The following CEP350 variants were observed in gnomAD, a reference collection of about 807,000 sequenced individuals.
The protein encoded by CEP350 is centrosome-associated protein 350.
CEP350 carries 126 observed loss-of-function variants against 331.8 expected under a neutral mutation model. That is an observed-to-expected ratio of 0.38 (90% CI 0.33 to 0.44). The LOEUF is 0.44. Ranked by LOEUF, CEP350 falls within the 20% of genes least tolerant of loss-of-function variation. The probability of loss-of-function intolerance (pLI) is 1.00; values close to 1 mark genes in which losing one functional copy is unlikely to be tolerated. For missense variants in CEP350, 3,406 were observed against 3,634.6 expected (o/e 0.94, Z 1.62); for synonymous variants, 1,200 against 1,259.5 (o/e 0.95, Z 1.00).
At chr1:180,037,161 A>C (rs1225463500) in intron 17 of CEP350, 72 bp downstream of exon 17, 2 of 1,320,282 alleles carry the variant, frequency 1.5e-6, no homozygotes, top group Non-Finnish European at 2.0e-6. Context: ...CTTAATGATG[A>C]CTTAAACTAC....
chr1:180,019,478 A>G (rs990596790), intron 11 of CEP350, among the ~76,000 whole-genome samples: 10 of 152,196 alleles, frequency 6.6e-5, no homozygotes, highest in African/African-American at 2.4e-4. Context: ...TATAGTAAAT[A>G]TTTGTTGATT....
chr1:180,042,947 T>C, intron 19 of CEP350, 109 bp from the exon 20 acceptor site: 15 of 1,200,398 alleles, frequency 1.2e-5, no homozygotes, highest in Non-Finnish European at 1.8e-5. Context: ...TGGCAGAATT[T>C]GCTTGTTCTC....
At chr1:180,067,765 A>G (rs960993817) in intron 27 of CEP350, among the ~76,000 whole-genome samples, 1 of 152,214 alleles carries the variant, frequency 6.6e-6, no homozygotes, top group African/African-American at 2.4e-5. Flanking sequence ...GAATATTGTT[A>G]TATACTATTT....
intron 22 of CEP350, among the ~76,000 whole-genome samples, chr1:180,051,468 A>G (rs1036615161): frequency 1.3e-5 from 2 of 152,230 alleles, no homozygotes; most frequent in Non-Finnish European, 2.9e-5. Flanking sequence ...TTGACTGCAA[A>G]GAGGATGCAC....
intron 28 of CEP350, 151 bp from the exon 29 acceptor site, chr1:180,078,312 A>T (rs1659360767): frequency 1.6e-6 from 1 of 612,402 alleles, no homozygotes; most frequent in South Asian, 2.0e-5. Flanking sequence ...CCAGAAATAG[A>T]TCTGTGCATC....
chr1:180,062,762 C>T (rs1308315860), intron 26 of CEP350, among the ~76,000 whole-genome samples: 1 of 152,194 alleles, frequency 6.6e-6, no homozygotes, highest in Non-Finnish European at 1.5e-5. Flanking sequence ...GTCCAACCCT[C>T]ATGACATCAT....
At chr1:180,033,470 G>A (rs1656152097) in intron 15 of CEP350, among the ~76,000 whole-genome samples, 1 of 152,072 alleles carries the variant, frequency 6.6e-6, no homozygotes, top group South Asian at 2.1e-4. Flanking sequence ...TTCGCTTTCA[G>A]AGATGTATTT....
chr1:179,962,607 A>G (rs997802317), intron 1 of CEP350, among the ~76,000 whole-genome samples: 2 of 151,942 alleles, frequency 1.3e-5, no homozygotes, highest in African/African-American at 4.8e-5. Flanking sequence ...ATGGAGTTTC[A>G]CTATGTTGGT....
intron 14 of CEP350, among the ~76,000 whole-genome samples, chr1:180,026,079 G>T (rs1003631827): frequency 6.6e-6 from 1 of 151,884 alleles, no homozygotes; most frequent in Non-Finnish European, 1.5e-5. Context: ...ATTTAAACCA[G>T]CCTGGCCAAT....
rs780755518 is a variant in CEP350 at position 180,112,936 on chromosome 1, GA to G, written c.*1778del. ...GGTATGATAGCTCTTGACAAATAAG[GA>G]AAGCACTGAAATGTTGTGATTGGGT... On this transcript the variant is annotated 3_prime_UTR_variant, in exon 38 of 38. Coordinates refer to ENST00000367607, the MANE Select transcript of CEP350 (RefSeq NM_014810.5). 3 of 152,562 alleles carry G rather than the reference GA, an allele frequency of 2.0e-5. No individual in the cohort carries two copies. The highest frequency in any genetic ancestry group is 4.4e-5 in the Non-Finnish European group (3 of 68,022). 9.5% of individuals were successfully genotyped at this position (152,562 alleles called of 1,614,324 possible). A position where few individuals can be genotyped will look rare whatever the true frequency, so the allele number is the denominator to read the frequency against.
intron 27 of CEP350, among the ~76,000 whole-genome samples, chr1:180,073,040 T>C (rs1374520175): frequency 6.6e-6 from 1 of 152,220 alleles, no homozygotes; most frequent in East Asian, 1.9e-4. Context: ...TAAAATGGAA[T>C]GTTCTTCTTA....
chr1:180,034,794 G>A (rs1417774596), intron 16 of CEP350, among the ~76,000 whole-genome samples: 1 of 151,838 alleles, frequency 6.6e-6, no homozygotes, highest in Non-Finnish European at 1.5e-5. Flanking sequence ...CCTCCCTCTG[G>A]CCTCCTTATC....
At chr1:180,089,414 C>G (rs12125556) in intron 32 of CEP350, among the ~76,000 whole-genome samples, 18,177 of 151,952 alleles carry the variant, frequency 0.12, 1,172 homozygotes, top group South Asian at 0.16. Flanking sequence ...GAAACCCCAT[C>G]TCTACTAAAA....
At chr1:180,016,187 C>G (rs1156532350) in intron 11 of CEP350, among the ~76,000 whole-genome samples, 1 of 152,218 alleles carries the variant, frequency 6.6e-6, no homozygotes, top group Non-Finnish European at 1.5e-5. Flanking sequence ...ATGTAAATGT[C>G]AGTTTCTTTT....
At position 180,078,472 on chromosome 1, in the gene CEP350, G is replaced by A. The variant is rs376944581; in HGVS notation, c.5777G>A (p.Ser1926Asn). 3.1e-6 allele frequency: 5 copies of A among 1,610,764 alleles called. No individual in the cohort carries two copies. The highest frequency in any genetic ancestry group is 4.2e-6 in the Non-Finnish European group (5 of 1,178,284). The change falls in exon 29 of 38, where the codon AGT (serine) becomes AAT (asparagine). Residue 1926 changes from serine (S) to asparagine (N), a missense_variant. Ser to Asn is a conservative substitution (Grantham distance 46). This residue lies in a region of CEP350 where 1,415 missense variants were observed against 1,512.3 expected (regional missense o/e 0.94). Coordinates refer to ENST00000367607, the MANE Select transcript of CEP350 (RefSeq NM_014810.5). Reference protein sequence around the residue: ...DQRTEQKEIASEEESPVPLYS... With the variant: ...DQRTEQKEIANEEESPVPLYS... ...CACCTTCTCTGTCTAGAAATAGCAA[G>A]TGAAGAGGAATCTCCAGTACCTCTG...
At chr1:179,963,978 T>A (rs1428967078) in intron 1 of CEP350, among the ~76,000 whole-genome samples, 2 of 152,208 alleles carry the variant, frequency 1.3e-5, no homozygotes, top group Non-Finnish European at 2.9e-5. Flanking sequence ...TTTGTTTGTG[T>A]CATCTGTTAT....
At position 180,112,497 on chromosome 1, in the gene CEP350, A is replaced by C. The variant is rs1359478319; in HGVS notation, c.*1336A>C. 1.3e-5 allele frequency: 2 copies of C among 152,654 alleles called. No individual in the cohort carries two copies. The highest frequency in any genetic ancestry group is 2.9e-5 in the Non-Finnish European group (2 of 68,044). The allele number at this position is 152,654 out of a possible 1,614,324, so 9.5% of individuals were successfully genotyped here. A position where few individuals can be genotyped will look rare whatever the true frequency, so the allele number is the denominator to read the frequency against. On this transcript the variant is annotated 3_prime_UTR_variant, in exon 38 of 38. Transcript: ENST00000367607. ...AAAATCTATAGACTCCAGCTGCTAC[A>C]TTAGAGCATAAGAGATGCTCTCCTG...
In CEP350 at chr1:180,113,678, C is replaced by CCA. The variant is rs1661553095; in HGVS notation, c.*2519_*2520dup. 6.6e-6 allele frequency: 1 copy of CCA among 151,538 alleles called. No homozygotes were observed. The highest frequency in any genetic ancestry group is 1.5e-5 in the Non-Finnish European group (1 of 67,796). The allele number at this position is 151,538 out of a possible 1,614,324, so 9.4% of individuals were successfully genotyped here. A position where few individuals can be genotyped will look rare whatever the true frequency, so the allele number is the denominator to read the frequency against. ...AAGAAAGATAGATGTGGATACCCAG[C>CCA]CACTCGTTCCATATTGGTATCTTTT... On this transcript the variant is annotated 3_prime_UTR_variant, in exon 38 of 38. Coordinates refer to ENST00000367607, the MANE Select transcript of CEP350 (RefSeq NM_014810.5).
intron 25 of CEP350, among the ~76,000 whole-genome samples, 193 bp downstream of exon 25, chr1:180,054,695 T>C (rs1437477399): frequency 5.9e-5 from 9 of 152,164 alleles, no homozygotes; most frequent in African/African-American, 2.2e-4. Flanking sequence ...TAAATGAGGA[T>C]TGTGTGTCAC....
Sources: allele counts gnomAD v4.1 joint callset (sites outside exome capture counted in the v4.1 genomes callset), GRCh38; gene constraint gnomAD v4.1.1; regional missense constraint gnomAD v4.1.1; transcripts MANE v1.5; gene names NCBI Gene and HGNC (gene_info 2026-07-23, HGNC 2026-07-21).